ADGRE2: variants seen among roughly 807,000 people sequenced by gnomAD.
ADGRE2 encodes adhesion G protein-coupled receptor E2, also known as CD97 antigen.
Under a neutral mutation model 100.8 loss-of-function variants are expected in ADGRE2, and 83 were observed. The ratio of observed to expected loss-of-function variants is 0.82; its 90% CI spans 0.69 to 0.99. The LOEUF is 0.99. Ranked by LOEUF, ADGRE2 falls within the 50% of genes least tolerant of loss-of-function variation. The probability of loss-of-function intolerance (pLI) is 0.00; values close to 1 mark genes in which losing one functional copy is unlikely to be tolerated. For missense variants in ADGRE2, 814 were observed against 1,035.7 expected (o/e 0.79, Z 2.94); for synonymous variants, 355 against 413.0 (o/e 0.86, Z 1.70).
At chr19:14,746,369 T>G in intron 17 of ADGRE2, 46 bp from the exon 18 acceptor site, 2 of 1,034,776 alleles carry the variant, frequency 1.9e-6, no homozygotes, top group Non-Finnish European at 2.9e-6. Context: ...TTGAAACCTG[T>G]TATCTCTTTT....
intron 4 of ADGRE2, among the ~76,000 whole-genome samples, chr19:14,773,407 C>CTTTTTT (rs368475089): frequency 9.0e-6 from 1 of 111,554 alleles, no homozygotes; most frequent in African/African-American, 3.2e-5. Flanking sequence ...CTCTTTCTGT[C>CTTTTTT]TTTTTTTTTT....
At chr19:14,755,283 A>C (rs933461212) in intron 13 of ADGRE2, among the ~76,000 whole-genome samples, 156 bp from the exon 14 acceptor site, 3 of 90,242 alleles carry the variant, frequency 3.3e-5, no homozygotes, top group East Asian at 3.8e-4. Flanking sequence ...AAAAAAAAAA[A>C]AAAAAAAAAA....
intron 5 of ADGRE2, chr19:14,772,043 A>G (rs941010949): frequency 4.6e-6 from 2 of 432,684 alleles, no homozygotes; most frequent in Non-Finnish European, 8.5e-6. Flanking sequence ...TATCATCCTC[A>G]TTTTATAGAT....
downstream of ADGRE2, chr19:14,731,941 C>T (rs544614676): frequency 6.6e-6 from 1 of 152,222 alleles, no homozygotes; most frequent in African/African-American, 2.4e-5. Context: ...CCTTCCCCAA[C>T]CTCGTCTGTG....
intron 20 of ADGRE2, among the ~76,000 whole-genome samples, chr19:14,739,068 C>T (rs2732792): frequency 0.1 from 15,224 of 148,742 alleles, 1,036 homozygotes; most frequent in Non-Finnish European, 0.15. Flanking sequence ...CTCCTGGGTT[C>T]GAGTGATTCT....
intron 5 of ADGRE2, among the ~76,000 whole-genome samples, chr19:14,769,579 T>C (rs2044119272): frequency 6.6e-6 from 1 of 152,198 alleles, no homozygotes; most frequent in African/African-American, 2.4e-5. Context: ...TCTGTGCGGA[T>C]GGGGTCCATG....
At chr19:14,744,531 C>T (rs1472458827) in intron 18 of ADGRE2, among the ~76,000 whole-genome samples, 1 of 152,048 alleles carries the variant, frequency 6.6e-6, no homozygotes, top group African/African-American at 2.4e-5. Context: ...TCTTGGCTCA[C>T]TGCAACCTCT....
At chr19:14,739,396 C>T (rs2042858460) in intron 20 of ADGRE2, among the ~76,000 whole-genome samples, 1 of 152,206 alleles carries the variant, frequency 6.6e-6, no homozygotes, top group African/African-American at 2.4e-5. Context: ...TATCTGATCA[C>T]ACACCTTAAA....
At chr19:14,758,433 G>C (rs571684855) in intron 11 of ADGRE2, among the ~76,000 whole-genome samples, 13 of 152,326 alleles carry the variant, frequency 8.5e-5, no homozygotes, top group Non-Finnish European at 1.8e-4. Context: ...AACATCATTA[G>C]TTATCAGGGA....
In ADGRE2 at chr19:14,738,175, T is replaced by C. The variant is rs73513946; in HGVS notation, c.2464-1931A>G. On this transcript the variant is annotated intron_variant, in intron 20 of 20. Coordinates refer to ENST00000315576, the MANE Select transcript of ADGRE2 (RefSeq NM_013447.4). Reference sequence around the variant, plus strand: ...CAAATGATCACATGTACCTAGAAACTATGTACGTCTATTATGGATCAATTA... The same window carrying C: ...CAAATGATCACATGTACCTAGAAACCATGTACGTCTATTATGGATCAATTA... 6.2e-3 allele frequency among the ~76,000 whole-genome samples: 945 copies of C among 152,294 alleles called. 10 individuals are homozygous for C. Among genetic ancestry groups the C allele is most frequent in the African/African-American group, 0.022 (906 of 41,548 alleles).
chr19:14,765,611 G>T (rs1477867330), intron 8 of ADGRE2, 41 bp from the exon 9 acceptor site: 1 of 1,614,202 alleles, frequency 6.2e-7, no homozygotes, highest in East Asian at 2.2e-5. Context: ...GCGGGAGCGT[G>T]TCAGTGTGTG....
intron 14 of ADGRE2, among the ~76,000 whole-genome samples, chr19:14,754,520 C>T (rs181525618): frequency 2.6e-4 from 39 of 150,052 alleles, no homozygotes; most frequent in African/African-American, 9.1e-4. Flanking sequence ...TAGAGAACCT[C>T]GACTAATACA....
chr19:14,730,246 G>A (rs573045062), downstream of ADGRE2, among the ~76,000 whole-genome samples: 5 of 152,130 alleles, frequency 3.3e-5, no homozygotes, highest in Admixed American at 2.0e-4. Context: ...GTAGAGATGG[G>A]GTTTCACCAT....
chr19:14,732,769 T>G lies in ADGRE2; in HGVS notation c.*3467A>C, dbSNP rs1356638723. Reference sequence around the variant, plus strand: ...TTCATTTATGATTGTCTATAGCTGTTTTCATATCACAATGGAAGTTCAAGT... The same window carrying G: ...TTCATTTATGATTGTCTATAGCTGTGTTCATATCACAATGGAAGTTCAAGT... On this transcript the variant is annotated 3_prime_UTR_variant, in exon 21 of 21. Coordinates refer to ENST00000315576, the MANE Select transcript of ADGRE2 (RefSeq NM_013447.4). 2 of 152,202 alleles carry G rather than the reference T, an allele frequency of 1.3e-5. No individual in the cohort carries two copies. The highest frequency in any genetic ancestry group is 2.9e-5 in the Non-Finnish European group (2 of 68,040). The allele number at this position is 152,202 out of a possible 1,614,324, so 9.4% of individuals were successfully genotyped here. A position where few individuals can be genotyped will look rare whatever the true frequency, so the allele number is the denominator to read the frequency against.
intron 11 of ADGRE2, among the ~76,000 whole-genome samples, chr19:14,757,344 C>G (rs2043536925): frequency 6.6e-6 from 1 of 152,110 alleles, no homozygotes; most frequent in Non-Finnish European, 1.5e-5. Context: ...AATATTTTAG[C>G]CTATTATTAC....
chr19:14,775,927 T>G (rs1253546686), intron 2 of ADGRE2, among the ~76,000 whole-genome samples: 9 of 150,188 alleles, frequency 6.0e-5, no homozygotes, highest in Admixed American at 6.0e-4. Context: ...ACCGCATGCT[T>G]CCTCAGGGAC....
At chr19:14,727,593 G>GC (rs199547742), downstream of ADGRE2, among the ~76,000 whole-genome samples, 26 of 152,106 alleles carry the variant, frequency 1.7e-4, no homozygotes, top group East Asian at 4.8e-3. Flanking sequence ...TGAGCGATTT[G>GC]CCCCCATGAT....
intron 2 of ADGRE2, among the ~76,000 whole-genome samples, chr19:14,776,080 A>G (rs12980660): frequency 0.59 from 88,834 of 151,468 alleles, 26,444 homozygotes; most frequent in African/African-American, 0.66. Context: ...GGTTCCCAGC[A>G]CTCAGGAAGT....
chr19:14,731,056 A>G (rs1306828549), downstream of ADGRE2: 3 of 818,912 alleles, frequency 3.7e-6, no homozygotes, highest in South Asian at 1.5e-5. Flanking sequence ...AGTCCCTTAC[A>G]TGCTGCCCTG....
Sources: gnomAD v4.1 joint callset for allele counts (sites outside exome capture counted in the v4.1 genomes callset) on GRCh38, gnomAD v4.1.1 for gene constraint, MANE v1.5 for transcripts, NCBI Gene and HGNC (gene_info 2026-07-23, HGNC 2026-07-21) for gene names.